Variants in EPM2A observed in about 807,000 individuals in gnomAD.
The protein encoded by EPM2A is EPM2A glucan phosphatase, laforin.
A neutral mutation model predicts 26.5 loss-of-function variants in EPM2A; 21 were observed. The ratio of observed to expected loss-of-function variants is 0.79; its 90% confidence interval spans 0.56 to 1.14. The LOEUF is 1.14. Ranked by LOEUF, EPM2A falls within the 50% of genes most tolerant of loss-of-function variation. The pLI is 0.00. For synonymous variants in EPM2A, 217 were observed against 177.6 expected (o/e 1.22, Z -1.76); for missense variants, 458 against 440.8 (o/e 1.04, Z -0.35).
chr6:145,735,768 C>G, upstream of EPM2A: 1 of 366,090 alleles, frequency 2.7e-6, no homozygotes, highest in Non-Finnish European at 3.9e-6. Context: ...CCTGTGGGCG[C>G]TGGGGACACG....
At chr6:145,702,757 A>G (rs1432566959) in intron 1 of EPM2A, among the ~76,000 whole-genome samples, 1 of 152,184 alleles carries the variant, frequency 6.6e-6, no homozygotes, top group Non-Finnish European at 1.5e-5. Flanking sequence ...TAATAACAGT[A>G]ACTCCACTTG....
At chr6:145,647,672 G>T (rs1244875823) in intron 2 of EPM2A, among the ~76,000 whole-genome samples, 2 of 152,002 alleles carry the variant, frequency 1.3e-5, no homozygotes, top group East Asian at 3.9e-4. Context: ...ACAAAGGAAG[G>T]AAGGCAGGAA....
In EPM2A at chr6:145,664,545, C is replaced by G. The variant is rs9497385; in HGVS notation, c.476+21577G>C. Among the ~76,000 whole-genome samples the G allele has an allele frequency of 7.4e-3, 1,082 of 146,836 alleles. 16 individuals carry two copies. Among genetic ancestry groups the G allele is most frequent in the African/African-American group, 0.026 (1,036 of 39,632 alleles). Reference sequence around the variant, plus strand: ...TGAGTGACCTACAAAGAGACTTAGACTCCCACACATTAATAATGGGAGACT... The same window carrying G: ...TGAGTGACCTACAAAGAGACTTAGAGTCCCACACATTAATAATGGGAGACT... On this transcript the variant is annotated intron_variant, in intron 2 of 3. Transcript: ENST00000367519.
At position 145,628,021 on chromosome 6, in the gene EPM2A, G is replaced by C. The variant is rs555797819; in HGVS notation, c.719-328C>G. 1.2e-4 allele frequency: 36 copies of C among 308,940 alleles called. No homozygotes were observed. The Middle Eastern group carries it at 4.1e-3, about 35-fold the overall frequency. 19.1% of individuals were successfully genotyped at this position (308,940 alleles called of 1,614,324 possible). The stretch of plus-strand genomic sequence containing the variant: ...CTGTCATCAGAATGCACTTTCACAT[G>C]AAGTTTTTGCAGAGATTGGTCAGAA... On this transcript the variant is annotated intron_variant, in intron 3 of 3. Coordinates refer to ENST00000367519, the MANE Select transcript of EPM2A (RefSeq NM_005670.4).
intron 4 of EPM2A, among the ~76,000 whole-genome samples, chr6:145,385,407 A>G (rs1392752519): frequency 1.3e-5 from 2 of 152,154 alleles, no homozygotes; most frequent in Non-Finnish European, 2.9e-5. Flanking sequence ...TAAAAAATAA[A>G]AAAAGGTCAT....
chr6:145,411,289 A>G (rs1778639388), intron 4 of EPM2A, among the ~76,000 whole-genome samples: 1 of 152,148 alleles, frequency 6.6e-6, no homozygotes, highest in Admixed American at 6.6e-5. Flanking sequence ...TAATAAGTTT[A>G]TTTTTGAACT....
intron 2 of EPM2A, among the ~76,000 whole-genome samples, chr6:145,574,555 T>C (rs984096097): frequency 6.6e-6 from 1 of 152,174 alleles, no homozygotes; most frequent in Non-Finnish European, 1.5e-5. Flanking sequence ...CACAAATCTA[T>C]TTCACAAGGC....
intron 3 of EPM2A, chr6:145,634,395 G>A (rs1442601382): frequency 6.6e-6 from 1 of 152,336 alleles, no homozygotes; most frequent in Non-Finnish European, 1.5e-5. Flanking sequence ...ACCTATCAAA[G>A]CCATGCCCAC....
intron 1 of EPM2A, among the ~76,000 whole-genome samples, chr6:145,716,254 C>A (rs935387035): frequency 1.3e-5 from 2 of 152,122 alleles, no homozygotes; most frequent in Non-Finnish European, 2.9e-5. Flanking sequence ...GTCCTAAAAA[C>A]CACTGAACTG....
At chr6:145,682,205 A>G (rs1780592220) in intron 2 of EPM2A, among the ~76,000 whole-genome samples, 1 of 152,152 alleles carries the variant, frequency 6.6e-6, no homozygotes, top group African/African-American at 2.4e-5. Flanking sequence ...AAGAGAGAGC[A>G]TGTGCAGGGA....
At chr6:145,554,477 CAG>C (rs923910795) in intron 2 of EPM2A, among the ~76,000 whole-genome samples, 55 of 144,718 alleles carry the variant, frequency 3.8e-4, no homozygotes, top group African/African-American at 1.4e-3. Context: ...GATACATAGA[CAG>C]AGAGACAGAT....
At chr6:145,661,950 A>G (rs1562456612) in intron 2 of EPM2A, among the ~76,000 whole-genome samples, 2 of 152,228 alleles carry the variant, frequency 1.3e-5, no homozygotes, top group Non-Finnish European at 2.9e-5. Context: ...CATTATGGCT[A>G]TAAGCAATAA....
At chr6:145,726,728 C>T (rs1776225244) in intron 1 of EPM2A, among the ~76,000 whole-genome samples, 1 of 152,040 alleles carries the variant, frequency 6.6e-6, no homozygotes, top group Non-Finnish European at 1.5e-5. Flanking sequence ...CTGATGAATA[C>T]TATTCAAAAC....
At chr6:145,733,256 C>T (rs1413146641) in intron 1 of EPM2A, among the ~76,000 whole-genome samples, 1 of 151,512 alleles carries the variant, frequency 6.6e-6, no homozygotes, top group African/African-American at 2.4e-5. Context: ...AAAATAATTC[C>T]TGCTTGGATA....
rs1024970272 is a variant in EPM2A, at chr6:145,626,543, T to C, written c.*873A>G. The C allele has an allele frequency of 1.1e-5, 11 of 985,750 alleles. No individual in the cohort carries two copies. In the East Asian group the frequency reaches 4.5e-4, roughly 41 times the overall value. The allele number at this position is 985,750 out of a possible 1,614,324, so 61.1% of individuals were successfully genotyped here. On this transcript the variant is annotated 3_prime_UTR_variant, in exon 4 of 4. Transcript: ENST00000367519. ...CGCTATAGAAACTCCTGCAGGCATA[T>C]TGACTATACCCTGAGAAAGACAAAA...
chr6:145,505,525 T>C (rs939498296), intron 2 of EPM2A, among the ~76,000 whole-genome samples: 1 of 133,720 alleles, frequency 7.5e-6, no homozygotes, highest in Non-Finnish European at 1.6e-5. Flanking sequence ...AAAATTAAGA[T>C]GTTAACAATA....
At chr6:145,580,028 A>G (rs1443215630) in intron 2 of EPM2A, among the ~76,000 whole-genome samples, 1 of 152,160 alleles carries the variant, frequency 6.6e-6, no homozygotes, top group Admixed American at 6.5e-5. Flanking sequence ...TATAAGCTGC[A>G]GACTACATTC....
At chr6:145,674,073 C>T (rs1261324270) in intron 2 of EPM2A, among the ~76,000 whole-genome samples, 7 of 152,148 alleles carry the variant, frequency 4.6e-5, no homozygotes, top group Non-Finnish European at 1.0e-4. Context: ...GGGTGCCCCT[C>T]TGGGATGAAG....
At chr6:145,468,949 A>G (rs993302536) in intron 4 of EPM2A, among the ~76,000 whole-genome samples, 4 of 152,096 alleles carry the variant, frequency 2.6e-5, no homozygotes, top group African/African-American at 9.7e-5. Context: ...AGAAAAATAA[A>G]CTAATAATCT....
Sources: gnomAD v4.1 joint callset for allele counts (sites outside exome capture counted in the v4.1 genomes callset) on GRCh38, gnomAD v4.1.1 for gene constraint, MANE v1.5 for transcripts, NCBI Gene and HGNC (gene_info 2026-07-23, HGNC 2026-07-21) for gene names.